AKAP6: variants seen among roughly 807,000 people sequenced by gnomAD.
The protein encoded by AKAP6 is A-kinase anchoring protein 6, also known as A-kinase anchor protein 6.
Under a neutral mutation model 188.5 loss-of-function variants are expected in AKAP6, and 58 were observed. The observed-to-expected ratio is 0.31, with a 90% CI of 0.25 to 0.38. The LOEUF (loss-of-function observed/expected upper bound fraction) is 0.38, where lower values mean the gene tolerates loss of function less well. Ranked by LOEUF, AKAP6 falls within the 10% of genes least tolerant of loss-of-function variation. The pLI is 1.00. For missense variants in AKAP6, 2,710 were observed against 2,740.0 expected, an observed-to-expected ratio of 0.99 and a Z score of 0.24; for synonymous variants, 989 against 998.6, an observed-to-expected ratio of 0.99 and a Z score of 0.18.
intron 2 of AKAP6, 90 bp downstream of exon 2, chr14:32,433,907 T>C: frequency 2.3e-6 from 3 of 1,294,270 alleles, no homozygotes; most frequent in Non-Finnish European, 3.2e-6. Context: ...CAGTGAGGAA[T>C]TGTCCAGGAA....
intron 9 of AKAP6, among the ~76,000 whole-genome samples, chr14:32,712,607 A>G (rs969895871): frequency 2.0e-5 from 3 of 152,232 alleles, no homozygotes; most frequent in African/African-American, 4.8e-5. Context: ...CAGTGTTCAC[A>G]GCATTCTCAA....
chr14:32,639,184 A>C (rs1334132554), intron 7 of AKAP6, among the ~76,000 whole-genome samples: 1 of 152,156 alleles, frequency 6.6e-6, no homozygotes, highest in East Asian at 1.9e-4. Context: ...AAGATGATTA[A>C]AGGAGTTATA....
intron 5 of AKAP6, among the ~76,000 whole-genome samples, chr14:32,589,730 C>T (rs1181412703): frequency 6.6e-6 from 1 of 152,128 alleles, no homozygotes; most frequent in Admixed American, 6.5e-5. Flanking sequence ...TTATTTTTCT[C>T]TTTAGGAAAT....
intron 1 of AKAP6, among the ~76,000 whole-genome samples, chr14:32,365,066 A>T (rs1452489217): frequency 2.6e-5 from 4 of 152,150 alleles, no homozygotes; most frequent in African/African-American, 4.8e-5. Context: ...GAAACAAGGT[A>T]GGCTTGCACT....
chr14:32,746,536 T>C (rs777493916), intron 11 of AKAP6, among the ~76,000 whole-genome samples: 31 of 152,150 alleles, frequency 2.0e-4, no homozygotes, highest in Non-Finnish European at 2.4e-4. Context: ...GTTGAGCTGG[T>C]ATCTGAGATG....
intron 9 of AKAP6, among the ~76,000 whole-genome samples, chr14:32,699,483 T>A (rs1482925722): frequency 6.6e-6 from 1 of 152,204 alleles, no homozygotes; most frequent in East Asian, 1.9e-4. Flanking sequence ...CTTGTTATTT[T>A]TATATTGTTA....
In AKAP6 at chr14:32,721,610, G is replaced by A. The variant is rs139773535; in HGVS notation, c.3001-10844G>A. 4.1e-4 allele frequency among the ~76,000 whole-genome samples: 63 copies of A among 152,204 alleles called. 2 individuals carry two copies. In the East Asian group the frequency reaches 0.011, roughly 26 times the overall value. On this transcript the variant is annotated intron_variant, in intron 9 of 13. Transcript: ENST00000280979. ...TTCAGTTAACCCTGCCCTTTCTTTT[G>A]GTTCTCTGTAGCCCATCTTAGCTTA...
chr14:32,651,263 G>T lies in AKAP6; in HGVS notation c.2731-27048G>T, dbSNP rs76551353. 5.6e-4 allele frequency among the ~76,000 whole-genome samples: 86 copies of T among 152,260 alleles called. No homozygotes were observed. The East Asian group carries it at 0.014, about 25-fold the overall frequency. On this transcript the variant is annotated intron_variant, in intron 7 of 13. Coordinates refer to ENST00000280979, the MANE Select transcript of AKAP6 (RefSeq NM_004274.5). Reference sequence around the variant, plus strand: ...CACTACTTTCTAGTTTTTAAGCAAGGTGTTCATGATTATTGTAGTGTCACG... The same window carrying T: ...CACTACTTTCTAGTTTTTAAGCAAGTTGTTCATGATTATTGTAGTGTCACG...
At chr14:32,548,420 A>G (rs1336969251) in intron 4 of AKAP6, among the ~76,000 whole-genome samples, 1 of 136,466 alleles carries the variant, frequency 7.3e-6, no homozygotes, top group Admixed American at 7.1e-5. Flanking sequence ...TTTTTTTTTT[A>G]CTTGATCTTC....
intron 8 of AKAP6, among the ~76,000 whole-genome samples, chr14:32,686,844 C>G (rs1006207458): frequency 8.5e-5 from 13 of 152,136 alleles, no homozygotes; most frequent in Admixed American, 8.5e-4. Context: ...GAAGATACCC[C>G]AGTCTCATCA....
At chr14:32,488,392 G>C (rs1454142547) in intron 2 of AKAP6, among the ~76,000 whole-genome samples, 1 of 152,192 alleles carries the variant, frequency 6.6e-6, no homozygotes, top group Non-Finnish European at 1.5e-5. Flanking sequence ...CCAAGCTGGA[G>C]CATTGTCCAG....
At position 32,831,013 on chromosome 14, in the gene AKAP6, A is replaced by G. The variant is rs1305347450; in HGVS notation, c.*1208A>G. 1.3e-5 allele frequency: 2 copies of G among 152,182 alleles called. No individual in the cohort carries two copies. The highest frequency in any genetic ancestry group is 3.8e-4 in the East Asian group (2 of 5,196). The allele number at this position is 152,182 out of a possible 1,614,324, so 9.4% of individuals were successfully genotyped here. Reference sequence around the variant, plus strand: ...AAGATCTTGGAACAGCAAATGATTAAATGTCAGTTCCCCTAAACCAATAAA... The same window carrying G: ...AAGATCTTGGAACAGCAAATGATTAGATGTCAGTTCCCCTAAACCAATAAA... On this transcript the variant is annotated 3_prime_UTR_variant, in exon 14 of 14. Transcript: ENST00000280979.
At chr14:32,422,712 C>T (rs1175160962) in intron 1 of AKAP6, among the ~76,000 whole-genome samples, 3 of 152,136 alleles carry the variant, frequency 2.0e-5, no homozygotes, top group African/African-American at 7.2e-5. Flanking sequence ...TTAGCATACA[C>T]TTATCAGGTA....
chr14:32,576,788 A>T (rs1381051346), intron 4 of AKAP6, among the ~76,000 whole-genome samples: 1 of 152,122 alleles, frequency 6.6e-6, no homozygotes, highest in African/African-American at 2.4e-5. Context: ...ATTTTTTGGC[A>T]GGGGGATGCT....
chr14:32,741,819 G>GTTTTTTTTTT (rs34015837), intron 11 of AKAP6, among the ~76,000 whole-genome samples: 6 of 70,708 alleles, frequency 8.5e-5, no homozygotes, highest in African/African-American at 2.7e-4. Flanking sequence ...TAGCCTGTAG[G>GTTTTTTTTTT]TTTTTTTTTT....
intron 4 of AKAP6, 137 bp from the exon 5 acceptor site, chr14:32,576,983 G>A (rs1404705831): frequency 1.0e-6 from 1 of 958,728 alleles, no homozygotes; most frequent in African/African-American, 1.7e-5. Flanking sequence ...CAGCAAAGAT[G>A]AAACTAGGAT....
At chr14:32,462,716 A>C (rs1370224500) in intron 2 of AKAP6, among the ~76,000 whole-genome samples, 1 of 152,112 alleles carries the variant, frequency 6.6e-6, no homozygotes, top group East Asian at 1.9e-4. Context: ...GATCAAATTC[A>C]CACATAACAA....
intron 7 of AKAP6, among the ~76,000 whole-genome samples, chr14:32,654,507 A>T (rs11848684): frequency 1.2e-4 from 19 of 152,096 alleles, no homozygotes; most frequent in African/African-American, 4.6e-4. Context: ...GTAGGGTGAA[A>T]TATACCAGAC....
intron 12 of AKAP6, among the ~76,000 whole-genome samples, chr14:32,775,008 G>A (rs1471908820): frequency 6.6e-6 from 1 of 152,156 alleles, no homozygotes; most frequent in African/African-American, 2.4e-5. Context: ...TAGATATATT[G>A]AGTCTAGGGG....
Sources: gnomAD v4.1 joint callset for allele counts (sites outside exome capture counted in the v4.1 genomes callset) on GRCh38, gnomAD v4.1.1 for gene constraint, MANE v1.5 for transcripts, NCBI Gene and HGNC (gene_info 2026-07-23, HGNC 2026-07-21) for gene names.